UBASH3B: variants seen among roughly 807,000 people sequenced by gnomAD.
UBASH3B encodes ubiquitin-associated and SH3 domain-containing protein B.
A neutral mutation model predicts 83.4 loss-of-function variants in UBASH3B; 37 were observed. The observed-to-expected ratio is 0.44, with a 90% CI of 0.34 to 0.58. The LOEUF is 0.58. UBASH3B is among the 20% of genes least tolerant of loss of function. The probability of loss-of-function intolerance (pLI) is 0.01; values close to 1 mark genes in which losing one functional copy is unlikely to be tolerated. For missense variants in UBASH3B, 657 were observed against 827.2 expected (o/e 0.79, Z 2.52); for synonymous variants, 304 against 318.3 (o/e 0.96, Z 0.48).
At chr11:122,774,112 A>G (rs1431547803) in intron 1 of UBASH3B, 1 of 985,004 alleles carries the variant, frequency 1.0e-6, no homozygotes, top group African/African-American at 1.8e-5. Flanking sequence ...TCGTGAGGAA[A>G]CAGACAAGGC....
chr11:122,732,704 C>T (rs986011983), intron 1 of UBASH3B, among the ~76,000 whole-genome samples: 10 of 152,196 alleles, frequency 6.6e-5, no homozygotes, highest in Non-Finnish European at 1.2e-4. Flanking sequence ...CAACAACCCT[C>T]AATTAGATAA....
intron 1 of UBASH3B, among the ~76,000 whole-genome samples, chr11:122,715,769 T>C (rs1591783261): frequency 6.6e-6 from 1 of 152,190 alleles, no homozygotes; most frequent in African/African-American, 2.4e-5. Flanking sequence ...ACACAACATA[T>C]GGCTTCCCAG....
intron 1 of UBASH3B, among the ~76,000 whole-genome samples, chr11:122,677,124 A>G (rs1863678848): frequency 6.6e-6 from 1 of 152,216 alleles, no homozygotes; most frequent in Non-Finnish European, 1.5e-5. Flanking sequence ...TTTTCCTGCC[A>G]TTATTTCCTG....
intron 9 of UBASH3B, 123 bp from the exon 10 acceptor site, chr11:122,798,819 T>G: frequency 1.5e-6 from 1 of 653,966 alleles, no homozygotes; most frequent in Admixed American, 2.7e-5. Flanking sequence ...ACTGGCTCTA[T>G]GTGAGCCCCA....
chr11:122,705,880 G>T (rs1167811600), intron 1 of UBASH3B, among the ~76,000 whole-genome samples: 1 of 152,138 alleles, frequency 6.6e-6, no homozygotes, highest in Non-Finnish European at 1.5e-5. Context: ...ATCCGCAGCA[G>T]CTGATGCCCT....
At chr11:122,688,991 G>T (rs1423633542) in intron 1 of UBASH3B, among the ~76,000 whole-genome samples, 2 of 129,888 alleles carry the variant, frequency 1.5e-5, no homozygotes, top group East Asian at 4.5e-4. Context: ...GGGGGGGGGG[G>T]GTTCCACCAT....
intron 1 of UBASH3B, among the ~76,000 whole-genome samples, chr11:122,697,759 G>A (rs1863980918): frequency 2.0e-5 from 3 of 152,206 alleles, no homozygotes; most frequent in Non-Finnish European, 4.4e-5. Flanking sequence ...AATAAGCAAG[G>A]ATTGAGTCAT....
At chr11:122,743,413 G>A (rs1468043908) in intron 1 of UBASH3B, among the ~76,000 whole-genome samples, 3 of 152,126 alleles carry the variant, frequency 2.0e-5, no homozygotes, top group Middle Eastern at 3.4e-3. Context: ...TGGGGGTCTC[G>A]CTATGTTGCT....
intron 1 of UBASH3B, among the ~76,000 whole-genome samples, chr11:122,772,127 T>C (rs919024084): frequency 6.6e-6 from 1 of 152,214 alleles, no homozygotes; most frequent in East Asian, 1.9e-4. Context: ...TGGCACCTCT[T>C]TGAGTCTGCT....
At chr11:122,755,141 T>C (rs1861263241) in intron 1 of UBASH3B, among the ~76,000 whole-genome samples, 1 of 152,112 alleles carries the variant, frequency 6.6e-6, no homozygotes. Flanking sequence ...CAACGCTGAA[T>C]AATCTCTGTG....
At chr11:122,698,619 G>A (rs531337968) in intron 1 of UBASH3B, among the ~76,000 whole-genome samples, 1 of 152,208 alleles carries the variant, frequency 6.6e-6, no homozygotes, top group East Asian at 1.9e-4. Flanking sequence ...CCAGGTGTGG[G>A]AGCATCCTGG....
At chr11:122,792,442 C>T (rs1861074267) in intron 6 of UBASH3B, among the ~76,000 whole-genome samples, 1 of 151,918 alleles carries the variant, frequency 6.6e-6, no homozygotes, top group African/African-American at 2.4e-5. Context: ...CCTCAGCCCC[C>T]CGAGTAGCCA....
chr11:122,727,884 CA>C (rs1191240949), intron 1 of UBASH3B, among the ~76,000 whole-genome samples: 1 of 152,200 alleles, frequency 6.6e-6, no homozygotes, highest in African/African-American at 2.4e-5. Context: ...CCTCCCCGCA[CA>C]GCTGGGCCAG....
chr11:122,699,791 T>C (rs6589943), intron 1 of UBASH3B, among the ~76,000 whole-genome samples: 129,529 of 151,954 alleles, frequency 0.85, 55,444 homozygotes, highest in East Asian at 0.95. Flanking sequence ...GCCATGTTGC[T>C]CTGGCTGGTC....
intron 1 of UBASH3B, among the ~76,000 whole-genome samples, chr11:122,703,223 T>C (rs532891352): frequency 1.3e-5 from 2 of 151,816 alleles, no homozygotes; most frequent in South Asian, 2.1e-4. Flanking sequence ...GTCGGGAGAT[T>C]GAGAGCATCC....
chr11:122,768,428 A>T (rs911982267), intron 1 of UBASH3B, among the ~76,000 whole-genome samples: 5 of 151,940 alleles, frequency 3.3e-5, no homozygotes, highest in Non-Finnish European at 7.4e-5. Flanking sequence ...TCATATATAT[A>T]TATGAGTATA....
chr11:122,800,108 C>T (rs571023219), intron 10 of UBASH3B, among the ~76,000 whole-genome samples: 17 of 152,178 alleles, frequency 1.1e-4, no homozygotes, highest in Admixed American at 5.2e-4. Context: ...ACTTCTACAC[C>T]GCTACTAGTA....
chr11:122,775,083 G>A (rs1411038956), intron 1 of UBASH3B, among the ~76,000 whole-genome samples: 1 of 152,166 alleles, frequency 6.6e-6, no homozygotes, highest in Non-Finnish European at 1.5e-5. Context: ...CTCCTTTAGG[G>A]CAGGGATCAC....
intron 11 of UBASH3B, among the ~76,000 whole-genome samples, chr11:122,802,608 A>AT (rs549254609): frequency 3.3e-5 from 5 of 152,056 alleles, no homozygotes; most frequent in Admixed American, 6.6e-5. Flanking sequence ...TTCCATACTC[A>AT]TTTTTTCTGT....
Sources: gnomAD v4.1 joint callset for allele counts (sites outside exome capture counted in the v4.1 genomes callset) on GRCh38, gnomAD v4.1.1 for gene constraint, MANE v1.5 for transcripts, NCBI Gene and HGNC (gene_info 2026-07-23, HGNC 2026-07-21) for gene names.